The following PGBD5 variants were observed in gnomAD, a reference collection of about 807,000 sequenced individuals.
PGBD5 encodes the protein piggyBac transposable element-derived protein 5.
In PGBD5, 14 loss-of-function variants were observed where a neutral mutation model predicts 47.9. The observed-to-expected ratio is 0.29, with a 90% CI of 0.19 to 0.46. The LOEUF is 0.46. PGBD5 is among the 20% of genes least tolerant of loss of function. The pLI is 1.00. For synonymous variants in PGBD5, 316 were observed against 306.3 expected, an observed-to-expected ratio of 1.03 and a Z score of -0.33; for missense variants, 635 against 716.0, an observed-to-expected ratio of 0.89 and a Z score of 1.29.
At chr1:230,360,726 T>C (rs1667729222) in intron 1 of PGBD5, among the ~76,000 whole-genome samples, 2 of 152,326 alleles carry the variant, frequency 1.3e-5, no homozygotes, top group South Asian at 4.1e-4. Context: ...CTTTTCTTTA[T>C]AGATTATCCA....
chr1:230,336,975 A>G (rs1667332910), intron 4 of PGBD5, 133 bp downstream of exon 4: 2 of 1,004,814 alleles, frequency 2.0e-6, no homozygotes, highest in African/African-American at 3.2e-5. Flanking sequence ...TGTTCCCTCA[A>G]GGAAGGGCCT....
intron 2 of PGBD5, among the ~76,000 whole-genome samples, chr1:230,354,706 G>A (rs1052787305): frequency 6.6e-6 from 1 of 151,972 alleles, no homozygotes; most frequent in African/African-American, 2.4e-5. Flanking sequence ...TGCTCCCTTC[G>A]GGTCTCCCTT....
At chr1:230,399,322 T>A (rs1016094701) in intron 1 of PGBD5, among the ~76,000 whole-genome samples, 26 of 152,164 alleles carry the variant, frequency 1.7e-4, no homozygotes, top group African/African-American at 6.3e-4. Context: ...TCCCCCACTT[T>A]GCTGATATAC....
rs865905320 is a variant in PGBD5 at position 230,322,540 on chromosome 1, C to A, written c.*885G>T. 3 of 152,672 alleles carry A rather than the reference C, an allele frequency of 2.0e-5. No homozygotes were observed. Among genetic ancestry groups the A allele is most frequent in the Admixed American group, 2.0e-4 (3 of 15,282 alleles). The allele number at this position is 152,672 out of a possible 1,614,324, so 9.5% of individuals were successfully genotyped here. Reference sequence around the variant, plus strand: ...GCTTAGGGCCCGCGGGCTCCCCATGCGCCTCGTGGAGAGCAACCACGTCTG... The same window carrying A: ...GCTTAGGGCCCGCGGGCTCCCCATGAGCCTCGTGGAGAGCAACCACGTCTG... On this transcript the variant is annotated 3_prime_UTR_variant, in exon 7 of 7. Transcript: ENST00000391860. This position sits in a 1 kb window ranked among gnomAD's most constrained non-coding sequence, Gnocchi z 5.9.
intron 1 of PGBD5, among the ~76,000 whole-genome samples, chr1:230,361,027 C>T (rs1667733969): frequency 6.6e-6 from 1 of 152,148 alleles, no homozygotes; most frequent in Admixed American, 6.5e-5. Flanking sequence ...GGAGGCCTTC[C>T]TCCCAGGCCA....
chr1:230,394,689 C>T (rs1227185080), intron 1 of PGBD5, among the ~76,000 whole-genome samples: 1 of 139,998 alleles, frequency 7.1e-6, no homozygotes, highest in Non-Finnish European at 1.5e-5. Context: ...CACCTTCCTC[C>T]CTTCCTCTCC....
intron 2 of PGBD5, among the ~76,000 whole-genome samples, chr1:230,353,114 T>C (rs1356933875): frequency 6.6e-6 from 1 of 152,248 alleles, no homozygotes; most frequent in Non-Finnish European, 1.5e-5. Context: ...ATTATGAATA[T>C]GTCATTACTA....
chr1:230,421,323 A>G (rs1657643033), intron 1 of PGBD5, among the ~76,000 whole-genome samples: 1 of 152,214 alleles, frequency 6.6e-6, no homozygotes, highest in Non-Finnish European at 1.5e-5. Context: ...CCCCAAAACT[A>G]AAAGCAATTC....
chr1:230,399,260 A>C (rs1009523858), intron 1 of PGBD5, among the ~76,000 whole-genome samples: 2 of 152,202 alleles, frequency 1.3e-5, no homozygotes, highest in African/African-American at 2.4e-5. Context: ...CTGAAATCTA[A>C]ATTTTACTGG....
intron 3 of PGBD5, among the ~76,000 whole-genome samples, chr1:230,344,837 G>C (rs1326425660): frequency 1.3e-5 from 2 of 152,162 alleles, no homozygotes; most frequent in Non-Finnish European, 2.9e-5. Flanking sequence ...CTGTCATCCA[G>C]AATTGCCTCC....
chr1:230,393,515 G>A (rs967585302), intron 1 of PGBD5, among the ~76,000 whole-genome samples: 5 of 152,124 alleles, frequency 3.3e-5, no homozygotes, highest in African/African-American at 1.2e-4. Context: ...CTTAGCGCCT[G>A]CTTTAAGAGC....
chr1:230,384,790 A>G (rs1656594946), intron 1 of PGBD5, among the ~76,000 whole-genome samples: 1 of 152,142 alleles, frequency 6.6e-6, no homozygotes, highest in African/African-American at 2.4e-5. Context: ...CAGGTGCTTA[A>G]TTAAATATTA....
chr1:230,375,652 CTTTTTTTTTT>C (rs199545872), intron 1 of PGBD5, among the ~76,000 whole-genome samples: 11 of 105,662 alleles, frequency 1.0e-4, no homozygotes, highest in African/African-American at 3.6e-4. Context: ...TCCTATTTGA[CTTTTTTTTTT>C]TTTTTTTTTT....
intron 5 of PGBD5, among the ~76,000 whole-genome samples, chr1:230,330,738 G>A (rs1323537537): frequency 6.7e-6 from 1 of 149,986 alleles, no homozygotes. Context: ...AGGGGACCAG[G>A]GTCCCTGGAG....
In PGBD5 at chr1:230,317,593, G is replaced by C. The variant is rs973975667; in HGVS notation, c.*5832C>G. ...GCTGCCGGGGGCTGACCCTTGGGGA[G>C]GGGAGGGCCGAGGCTGATTTATCTG... On this transcript the variant is annotated 3_prime_UTR_variant, in exon 7 of 7. Coordinates refer to ENST00000391860, the MANE Select transcript of PGBD5 (RefSeq NM_001258311.2). 2.0e-5 allele frequency: 3 copies of C among 152,250 alleles called. No homozygotes were observed. Among genetic ancestry groups the C allele is most frequent in the Middle Eastern group, 6.8e-3 (2 of 294 alleles). The allele number at this position is 152,250 out of a possible 1,614,324, so 9.4% of individuals were successfully genotyped here.
Position 230,425,945 on chromosome 1 carries a change from C to A in PGBD5, c.-17G>T. The A allele has an allele frequency of 1.2e-6, 1 of 837,146 alleles. No individual in the cohort carries two copies. Among genetic ancestry groups the A allele is most frequent in the South Asian group, 5.8e-5 (1 of 17,198 alleles). 51.9% of individuals were successfully genotyped at this position (837,146 alleles called of 1,614,324 possible). ...CTCGGCCATGGCCCCGGCCGCCGCC[C>A]GCGCGCCCGCCCCCACAGTGCCTCC... On this transcript the variant is annotated 5_prime_UTR_variant, in exon 1 of 7. Coordinates refer to ENST00000391860, the MANE Select transcript of PGBD5 (RefSeq NM_001258311.2). This position sits in a 1 kb window ranked among gnomAD's most constrained non-coding sequence, Gnocchi z 4.7.
At chr1:230,404,565 G>A (rs563207136) in intron 1 of PGBD5, among the ~76,000 whole-genome samples, 1 of 147,536 alleles carries the variant, frequency 6.8e-6, no homozygotes, top group South Asian at 2.1e-4. Context: ...GGCTGCAACT[G>A]TGCTGCTGTA....
chr1:230,372,611 A>G (rs1321059508), intron 1 of PGBD5, among the ~76,000 whole-genome samples: 2 of 152,218 alleles, frequency 1.3e-5, no homozygotes, highest in Non-Finnish European at 2.9e-5. Context: ...ACAGTGGGAA[A>G]GGCTGCCCCA....
intron 1 of PGBD5, among the ~76,000 whole-genome samples, chr1:230,388,415 ATTTTTTT>A (rs1000234500): frequency 2.2e-5 from 3 of 134,502 alleles, no homozygotes; most frequent in African/African-American, 8.2e-5. Context: ...TGTTGGCCAC[ATTTTTTT>A]TTTTTTTTTT....
Sources: allele counts gnomAD v4.1 joint callset (sites outside exome capture counted in the v4.1 genomes callset), GRCh38; gene constraint gnomAD v4.1.1; non-coding constraint Gnocchi (gnomAD v3.1); transcripts MANE v1.5; gene names NCBI Gene and HGNC (gene_info 2026-07-23, HGNC 2026-07-21).